Variants in FGF13 observed in about 807,000 individuals in gnomAD.
The protein encoded by FGF13 is fibroblast growth factor 13, also known as fibroblast growth factor homologous factor 2.
Under a neutral mutation model 19.5 loss-of-function variants are expected in FGF13, and 2 were observed. The ratio of observed to expected loss-of-function variants is 0.10; its 90% CI spans 0.04 to 0.32. The LOEUF is 0.32. FGF13 is among the 10% of genes least tolerant of loss of function. FGF13 has a pLI of 1.00. For missense variants in FGF13, 113 were observed against 192.7 expected, an observed-to-expected ratio of 0.59 and a Z score of 2.45; for synonymous variants, 72 against 76.9, an observed-to-expected ratio of 0.94 and a Z score of 0.33.
At chrX:138,771,872 A>C (rs2090547391) in intron 3 of FGF13, among the ~76,000 whole-genome samples, 1 of 109,038 alleles carries the variant, frequency 9.2e-6, no homozygotes. Flanking sequence ...TTTGCTGTTG[A>C]TTTGTTAGGT....
chrX:138,711,228 C>A lies in FGF13; in HGVS notation c.-225G>T, dbSNP rs1168445428. ...GTCCGGCTCCCGCGCGGGCTGCTGG[C>A]TGCCTGGGTCGGAGTCGACGCCACA... On this transcript the variant is annotated 5_prime_UTR_variant, in exon 1 of 5. Transcript: ENST00000315930. 4.8e-6 allele frequency: 5 copies of A among 1,043,500 alleles called. No homozygotes were observed. The highest frequency in any genetic ancestry group is 6.1e-6 in the Non-Finnish European group (5 of 821,136). The allele number at this position is 1,043,500 out of a possible 1,213,427, so 86.0% of individuals were successfully genotyped here. A position where few individuals can be genotyped will look rare whatever the true frequency, so the allele number is the denominator to read the frequency against.
chrX:139,079,869 T>C (rs1430566677), intron 1 of FGF13, among the ~76,000 whole-genome samples: 1 of 110,905 alleles, frequency 9.0e-6, no homozygotes, highest in Non-Finnish European at 1.9e-5. Context: ...TGAATTCTTA[T>C]GACTGTCATG....
intron 1 of FGF13, among the ~76,000 whole-genome samples, chrX:138,925,324 G>A (rs2091667126): frequency 9.0e-6 from 1 of 111,141 alleles, no homozygotes; most frequent in Non-Finnish European, 1.9e-5. Context: ...GACACTTTCT[G>A]CCTTACCACC....
At chrX:138,726,262 C>G (rs759652236) in intron 1 of FGF13, among the ~76,000 whole-genome samples, 9 of 111,437 alleles carry the variant, frequency 8.1e-5, no homozygotes, top group African/African-American at 2.6e-4. Context: ...TAAGCTTCCC[C>G]CTTAGTGCAG....
chrX:139,117,027 T>C (rs73633971), intron 1 of FGF13, among the ~76,000 whole-genome samples: 47 of 111,443 alleles, frequency 4.2e-4, no homozygotes, highest in African/African-American at 1.4e-3. Context: ...AACAGTATTA[T>C]CAACTACCAT....
intron 3 of FGF13, among the ~76,000 whole-genome samples, chrX:138,841,260 G>A (rs1371202701): frequency 9.0e-6 from 1 of 110,905 alleles, no homozygotes; most frequent in Non-Finnish European, 1.9e-5. Flanking sequence ...AAGATCACGA[G>A]TTTCAGCAAA....
intron 1 of FGF13, among the ~76,000 whole-genome samples, chrX:139,071,908 C>G (rs1465296631): frequency 6.4e-5 from 6 of 94,447 alleles, no homozygotes; most frequent in Non-Finnish European, 1.2e-4. Context: ...CTCAGCTACT[C>G]GGGAGGCTGA....
Position 138,768,052 on chromosome X carries a change from G to C in FGF13, c.218-59124C>G, listed in dbSNP as rs772256681. 1.9e-4 allele frequency among the ~76,000 whole-genome samples: 21 copies of C among 111,954 alleles called. No individual in the cohort carries two copies. In the East Asian group the frequency reaches 6.0e-3, roughly 32 times the overall value. On this transcript the variant is annotated intron_variant, in intron 3 of 6. Transcript: ENST00000436198. ...CCGAAGGGACTGCAAAGTTACAGAG[G>C]TTTAGGACTTGGCCCTTAGCCCTTT...
chrX:138,893,900 G>A (rs1350670793), intron 1 of FGF13, among the ~76,000 whole-genome samples: 2 of 111,437 alleles, frequency 1.8e-5, no homozygotes, highest in Non-Finnish European at 3.8e-5. Flanking sequence ...ATCTGAATGA[G>A]CCAAGCAGAG....
chrX:138,863,533 C>A (rs1222540037), intron 2 of FGF13, among the ~76,000 whole-genome samples: 5 of 112,189 alleles, frequency 4.5e-5, no homozygotes, highest in Non-Finnish European at 9.4e-5. Context: ...GCTCCCAGGA[C>A]AAGAACCATG....
intron 1 of FGF13, among the ~76,000 whole-genome samples, chrX:138,901,896 A>C (rs2091533214): frequency 8.9e-6 from 1 of 112,619 alleles, no homozygotes; most frequent in East Asian, 2.8e-4. Context: ...AATTTAAATA[A>C]ACACTAACTG....
intron 1 of FGF13, among the ~76,000 whole-genome samples, chrX:138,729,814 G>C (rs978649937): frequency 9.0e-5 from 10 of 111,067 alleles, no homozygotes; most frequent in African/African-American, 2.9e-4. Flanking sequence ...TACCTACAGT[G>C]GGACTACAAT....
chrX:139,074,529 T>A lies in FGF13; in HGVS notation c.-113+128887A>T, dbSNP rs73581288. On this transcript the variant is annotated intron_variant, in intron 1 of 2. Transcript: ENST00000421460. ...TCTACCTTAGTCCAAGAAACCATCA[T>A]ACCTTGTCCAGACTGCTGCTAACAG... is the stretch of plus-strand genomic sequence containing the variant. Among the ~76,000 whole-genome samples the A allele has an allele frequency of 3.8e-3, 428 of 112,174 alleles. 3 individuals are homozygous for A. Among genetic ancestry groups the A allele is most frequent in the African/African-American group, 0.013 (403 of 30,916 alleles).
rs370662542 is a variant in FGF13, at chrX:138,865,450, CCTCT to C, written c.-112-804_-112-801del. ...CTCTCTCTTCTCTCTCTCTCTCTCT[CCTCT>C]CTCTCTCTCTCTCTCTCTCCTCTCT... On this transcript the variant is annotated intron_variant, in intron 1 of 2. Coordinates refer to the FGF13 transcript ENST00000421460. 8.4e-4 allele frequency among the ~76,000 whole-genome samples: 75 copies of C among 89,251 alleles called. 1 individual carries two copies. The highest frequency in any genetic ancestry group is 7.6e-3 in the East Asian group (23 of 3,034). The allele number at this position is 89,251 out of a possible 115,157, so 77.5% of individuals were successfully genotyped here. A position where few individuals can be genotyped will look rare whatever the true frequency, so the allele number is the denominator to read the frequency against.
intron 3 of FGF13, among the ~76,000 whole-genome samples, chrX:138,792,800 T>C (rs964757737): frequency 7.2e-5 from 8 of 111,287 alleles, no homozygotes; most frequent in African/African-American, 2.3e-4. Context: ...TGGTTTCCTG[T>C]ATTTCAGAGC....
intron 1 of FGF13, among the ~76,000 whole-genome samples, chrX:139,069,467 G>T (rs1209946612): frequency 4.7e-4 from 39 of 83,735 alleles, no homozygotes; most frequent in Non-Finnish European, 6.9e-4. Flanking sequence ...CTGGTGGGGG[G>T]TGGGGGGAGG....
At chrX:138,659,821 C>T (rs1411016870) in intron 3 of FGF13, among the ~76,000 whole-genome samples, 1 of 111,553 alleles carries the variant, frequency 9.0e-6, no homozygotes, top group African/African-American at 3.3e-5. Context: ...GAAAACCAAA[C>T]ACCACAAGTT....
intron 1 of FGF13, among the ~76,000 whole-genome samples, chrX:139,122,698 C>T (rs893660655): frequency 6.3e-5 from 7 of 111,492 alleles, no homozygotes; most frequent in Non-Finnish European, 7.5e-5. Context: ...CCCATCCAAA[C>T]CTTTCCCCTA....
intron 1 of FGF13, among the ~76,000 whole-genome samples, chrX:139,118,584 G>A (rs1169316902): frequency 9.0e-6 from 1 of 111,334 alleles, no homozygotes; most frequent in African/African-American, 3.3e-5. Context: ...TGGTTTATAG[G>A]CTATCACTAG....
Sources: allele counts gnomAD v4.1 joint callset (sites outside exome capture counted in the v4.1 genomes callset), GRCh38; gene constraint gnomAD v4.1.1; transcripts MANE v1.5; gene names NCBI Gene and HGNC (gene_info 2026-07-23, HGNC 2026-07-21).